The following SNX31 variants were observed in gnomAD, a reference collection of about 807,000 sequenced individuals.
The protein encoded by SNX31 is sorting nexin 31, also known as sorting nexin-31.
SNX31 carries 58 observed loss-of-function variants against 65.4 expected under a neutral mutation model. The ratio of observed to expected loss-of-function variants is 0.89; its 90% CI spans 0.72 to 1.10. SNX31 has a LOEUF of 1.10. Among genes scored for constraint, SNX31 ranks in the 50% least tolerant of loss-of-function variants. The pLI, the probability that SNX31 is intolerant of heterozygous loss-of-function variation, is 0.00. For synonymous variants in SNX31, 181 were observed against 190.1 expected, an observed-to-expected ratio of 0.95 and a Z score of 0.39; for missense variants, 523 against 529.7, an observed-to-expected ratio of 0.99 and a Z score of 0.12.
In SNX31 at chr8:100,604,452, G is replaced by T. The variant is rs1340372458; in HGVS notation, c.682-4011C>A. ...TCTGGCGAAAGCATGGTGGAGAAGG[G>T]CAAGGGACGTGTGTGCCTGGACAAG... On this transcript the variant is annotated intron_variant, in intron 8 of 13. Coordinates refer to ENST00000311812, the MANE Select transcript of SNX31 (RefSeq NM_152628.4). The surrounding 1 kb of genome is among the most constrained non-coding windows in gnomAD (Gnocchi z 4.3). Among the ~76,000 whole-genome samples the T allele has an allele frequency of 6.6e-6, 1 of 152,186 alleles. No homozygotes were observed. Among genetic ancestry groups the T allele is most frequent in the African/African-American group, 2.4e-5 (1 of 41,450 alleles).
chr8:100,584,075 G>A (rs371358957), intron 12 of SNX31, 36 bp downstream of exon 12: 67 of 1,583,398 alleles, frequency 4.2e-5, no homozygotes, highest in Non-Finnish European at 5.1e-5. Flanking sequence ...TAGTGGGAAC[G>A]TAAAGTGAAA....
At chr8:100,645,576 C>T (rs1288143244) in intron 2 of SNX31, among the ~76,000 whole-genome samples, 1 of 148,104 alleles carries the variant, frequency 6.8e-6, no homozygotes, top group Admixed American at 6.7e-5. Flanking sequence ...TTTGTATTTG[C>T]TAAATCTAGC....
intron 11 of SNX31, among the ~76,000 whole-genome samples, chr8:100,587,593 G>A (rs1321901826): frequency 6.6e-6 from 1 of 152,160 alleles, no homozygotes; most frequent in Non-Finnish European, 1.5e-5. Context: ...CTTATCAGTA[G>A]CATATAAATT....
At chr8:100,606,976 A>G (rs1816224046) in intron 8 of SNX31, among the ~76,000 whole-genome samples, 1 of 152,224 alleles carries the variant, frequency 6.6e-6, no homozygotes, top group Admixed American at 6.5e-5. Flanking sequence ...GCAGCAGTGA[A>G]TGAATAAATA....
rs779875933 is a variant in SNX31 at position 100,604,542 on chromosome 8, G to A, written c.681+3952C>T. On this transcript the variant is annotated intron_variant, in intron 8 of 13. Coordinates refer to ENST00000311812, the MANE Select transcript of SNX31 (RefSeq NM_152628.4). This position sits in a 1 kb window ranked among gnomAD's most constrained non-coding sequence, Gnocchi z 4.3. The stretch of plus-strand genomic sequence containing the variant: ...CCCCCCTCCACTCACCAAGCCATGG[G>A]CCCCGATGCAGGACTAGCCCCACCT... Among the ~76,000 whole-genome samples the A allele has an allele frequency of 6.6e-6, 1 of 152,224 alleles. No homozygotes were observed. The highest frequency in any genetic ancestry group is 1.5e-5 in the Non-Finnish European group (1 of 68,036).
chr8:100,634,206 G>A (rs936651727), intron 3 of SNX31, among the ~76,000 whole-genome samples: 3 of 152,122 alleles, frequency 2.0e-5, no homozygotes, highest in African/African-American at 7.2e-5. Context: ...GGACCCAGGC[G>A]AAGGGCAAGC....
chr8:100,654,451 C>T (rs962756150), upstream of SNX31, among the ~76,000 whole-genome samples: 3 of 152,232 alleles, frequency 2.0e-5, no homozygotes, highest in African/African-American at 7.2e-5. Context: ...AAAGCCCTTG[C>T]TCCTAATCAC....
At chr8:100,647,413 A>G (rs1051881509) in intron 2 of SNX31, among the ~76,000 whole-genome samples, 1 of 152,200 alleles carries the variant, frequency 6.6e-6, no homozygotes, top group Non-Finnish European at 1.5e-5. Flanking sequence ...CAAGAATAAA[A>G]TTTACTCACT....
Position 100,573,838 on chromosome 8 carries a change from G to C in SNX31, c.*27C>G, listed in dbSNP as rs1329702292. ...TTCACTGTCTTGAGATAGCCTCCAA[G>C]GATATTTTAAAATATGAGAGCTTTC... is the stretch of plus-strand genomic sequence containing the variant. On this transcript the variant is annotated 3_prime_UTR_variant, in exon 14 of 14. Transcript: ENST00000311812. The C allele has an allele frequency of 6.7e-7, 1 of 1,485,464 alleles. No homozygotes were observed. The highest frequency in any genetic ancestry group is 9.2e-7 in the Non-Finnish European group (1 of 1,084,178). 92.0% of individuals were successfully genotyped at this position (1,485,464 alleles called of 1,614,324 possible).
rs185763882 is a variant in SNX31, at chr8:100,586,191, G to A, written c.1093-2003C>T. Among the ~76,000 whole-genome samples, 237 of 152,292 alleles carry A rather than the reference G, an allele frequency of 1.6e-3. 2 individuals carry two copies. Among genetic ancestry groups the A allele is most frequent in the African/African-American group, 5.5e-3 (228 of 41,556 alleles). On this transcript the variant is annotated intron_variant, in intron 11 of 13. Transcript: ENST00000311812. The stretch of plus-strand genomic sequence containing the variant: ...CGGCTTTGGCCTCCCAAATTGCTGG[G>A]ATTACAGGCATGAGCCACTGCGCCT...
chr8:100,599,166 T>A (rs1232059613), intron 9 of SNX31, among the ~76,000 whole-genome samples: 1 of 152,214 alleles, frequency 6.6e-6, no homozygotes, highest in Non-Finnish European at 1.5e-5. Context: ...AAGCAAAGCT[T>A]TTTTAAAATA....
rs552019746 is a variant in SNX31, at chr8:100,644,824, C to A, written c.141+4450G>T. Among the ~76,000 whole-genome samples, 7 of 148,602 alleles carry A rather than the reference C, an allele frequency of 4.7e-5. No individual in the cohort carries two copies. In the East Asian group the frequency reaches 1.3e-3, roughly 29 times the overall value. The stretch of plus-strand genomic sequence containing the variant: ...GGATTATAGGCACATGCCACCACAC[C>A]TGGCTAATTTTTTGTATTTTAGTAG... On this transcript the variant is annotated intron_variant, in intron 2 of 13. Transcript: ENST00000311812.
At chr8:100,628,792 G>C (rs75966031) in intron 4 of SNX31, among the ~76,000 whole-genome samples, 2 of 150,968 alleles carry the variant, frequency 1.3e-5, no homozygotes, top group Admixed American at 1.3e-4. Flanking sequence ...TTGAGTGTGC[G>C]CTTGTTTGTA....
intron 11 of SNX31, among the ~76,000 whole-genome samples, chr8:100,584,829 A>C (rs530041389): frequency 6.8e-6 from 1 of 147,004 alleles, no homozygotes; most frequent in African/African-American, 2.5e-5. Context: ...GGCTCACTGC[A>C]ACCCCCGCCT....
intron 4 of SNX31, chr8:100,618,563 T>A: frequency 1.8e-6 from 1 of 546,710 alleles, no homozygotes; most frequent in Non-Finnish European, 3.2e-6. Context: ...CCCCTTCACA[T>A]GCCAGCAGCA....
chr8:100,618,492 T>C, intron 4 of SNX31: 1 of 640,180 alleles, frequency 1.6e-6, no homozygotes, highest in Non-Finnish European at 2.7e-6. Context: ...AATTATGACA[T>C]GCTTTGCTTG....
At chr8:100,645,547 T>G (rs1819564515) in intron 2 of SNX31, among the ~76,000 whole-genome samples, 1 of 152,036 alleles carries the variant, frequency 6.6e-6, no homozygotes, top group Non-Finnish European at 1.5e-5. Flanking sequence ...TAATTTAAAT[T>G]TAATTGGGAG....
At chr8:100,597,237 T>C (rs929673701) in intron 9 of SNX31, among the ~76,000 whole-genome samples, 1 of 151,460 alleles carries the variant, frequency 6.6e-6, no homozygotes, top group Non-Finnish European at 1.5e-5. Flanking sequence ...AACAAAAAAG[T>C]GTACATTGGC....
chr8:100,621,069 G>A (rs1391406109), intron 4 of SNX31, among the ~76,000 whole-genome samples: 2 of 152,252 alleles, frequency 1.3e-5, no homozygotes, highest in Middle Eastern at 3.4e-3. Flanking sequence ...GCTTGAACCC[G>A]GGAGGTGGAG....
Sources: allele counts gnomAD v4.1 joint callset (sites outside exome capture counted in the v4.1 genomes callset), GRCh38; gene constraint gnomAD v4.1.1; non-coding constraint Gnocchi (gnomAD v3.1); transcripts MANE v1.5; gene names NCBI Gene and HGNC (gene_info 2026-07-23, HGNC 2026-07-21).